The following CDH12 variants were observed in gnomAD, a reference collection of about 807,000 sequenced individuals.
The protein encoded by CDH12 is cadherin 12, also known as cadherin-12.
Under a neutral mutation model 74.1 loss-of-function variants are expected in CDH12, and 41 were observed. The observed-to-expected ratio is 0.55, with a 90% CI of 0.43 to 0.72. The LOEUF (loss-of-function observed/expected upper bound fraction) is 0.72, where lower values mean the gene tolerates loss of function less well. Among genes scored for constraint, CDH12 ranks in the 30% least tolerant of loss-of-function variants. The pLI, the probability that CDH12 is intolerant of heterozygous loss-of-function variation, is 0.00. For synonymous variants in CDH12, 399 were observed against 355.0 expected (o/e 1.12, Z -1.39); for missense variants, 945 against 977.2 (o/e 0.97, Z 0.44).
chr5:22,142,842 T>G (rs1191463394), intron 4 of CDH12: 1 of 256,570 alleles, frequency 3.9e-6, no homozygotes, highest in East Asian at 1.1e-4. Context: ...TTAAACTTTC[T>G]TCTTCCTTCA....
chr5:22,195,847 G>A (rs1194331542), intron 4 of CDH12, among the ~76,000 whole-genome samples: 1 of 152,072 alleles, frequency 6.6e-6, no homozygotes, highest in Non-Finnish European at 1.5e-5. Context: ...AAAGCCTGGT[G>A]TGAAAAACTC....
chr5:22,606,555 C>G (rs998399099), intron 1 of CDH12, among the ~76,000 whole-genome samples: 1 of 152,174 alleles, frequency 6.6e-6, no homozygotes, highest in Non-Finnish European at 1.5e-5. Flanking sequence ...ACTCCACACT[C>G]ATTCTCTCTC....
At chr5:21,898,192 T>C (rs866353089) in intron 6 of CDH12, among the ~76,000 whole-genome samples, 1 of 152,050 alleles carries the variant, frequency 6.6e-6, no homozygotes, top group East Asian at 1.9e-4. Flanking sequence ...TTAGTATACA[T>C]TAAATTTTTT....
At chr5:22,102,756 C>T (rs1466588961) in intron 4 of CDH12, among the ~76,000 whole-genome samples, 2 of 151,982 alleles carry the variant, frequency 1.3e-5, no homozygotes, top group African/African-American at 2.4e-5. Flanking sequence ...AGGGGCCTAA[C>T]AAAAAATGAT....
chr5:22,258,960 CTAT>C (rs1753415982), intron 3 of CDH12, among the ~76,000 whole-genome samples: 1 of 152,264 alleles, frequency 6.6e-6, no homozygotes, highest in South Asian at 2.1e-4. Flanking sequence ...AACATCATTT[CTAT>C]TATTACAGAT....
chr5:22,381,674 T>C (rs1212458651), intron 3 of CDH12, among the ~76,000 whole-genome samples: 1 of 152,142 alleles, frequency 6.6e-6, no homozygotes, highest in Non-Finnish European at 1.5e-5. Context: ...TAATACTCTA[T>C]ATCATGGTTC....
intron 1 of CDH12, among the ~76,000 whole-genome samples, chr5:22,799,813 A>C (rs1748416671): frequency 6.6e-6 from 1 of 152,190 alleles, no homozygotes; most frequent in Non-Finnish European, 1.5e-5. Flanking sequence ...TGATATTTAC[A>C]ACCTACAAAA....
At chr5:22,285,238 A>G (rs1200987420) in intron 3 of CDH12, among the ~76,000 whole-genome samples, 2 of 152,160 alleles carry the variant, frequency 1.3e-5, no homozygotes, top group Non-Finnish European at 2.9e-5. Context: ...ACATTTTAAA[A>G]TAAATTGTTT....
At chr5:22,487,061 G>A (rs1016303699) in intron 2 of CDH12, among the ~76,000 whole-genome samples, 5 of 146,044 alleles carry the variant, frequency 3.4e-5, no homozygotes, top group African/African-American at 7.6e-5. Flanking sequence ...GTGTGTGTGT[G>A]GCATGATCTC....
At chr5:22,158,587 G>T (rs1748160094) in intron 4 of CDH12, among the ~76,000 whole-genome samples, 1 of 152,022 alleles carries the variant, frequency 6.6e-6, no homozygotes, top group Admixed American at 6.6e-5. Flanking sequence ...TATCACGGTG[G>T]TAATTCAGCT....
chr5:22,155,386 C>T (rs1035974040), intron 4 of CDH12, among the ~76,000 whole-genome samples: 4 of 151,808 alleles, frequency 2.6e-5, no homozygotes, highest in Non-Finnish European at 4.4e-5. Flanking sequence ...AGCTAAGAAC[C>T]GTCAATATCT....
At chr5:22,766,809 T>G (rs1746538563) in intron 1 of CDH12, among the ~76,000 whole-genome samples, 1 of 152,222 alleles carries the variant, frequency 6.6e-6, no homozygotes, top group East Asian at 1.9e-4. Flanking sequence ...ATACATAATT[T>G]AGAGATGAGT....
At chr5:22,228,999 A>C (rs1383640688) in intron 3 of CDH12, among the ~76,000 whole-genome samples, 2 of 152,142 alleles carry the variant, frequency 1.3e-5, no homozygotes, top group Non-Finnish European at 2.9e-5. Flanking sequence ...ATAATTGTTC[A>C]AGTGAGTAGA....
In CDH12 at chr5:22,477,385, G is replaced by A. The variant is rs181091621; in HGVS notation, c.-428+27885C>T. ...AGTTTGCTAAAGATAATGGCATCTA[G>A]CTCCATCCATGTTCCTACAAAGGAT... On this transcript the variant is annotated intron_variant, in intron 2 of 14. Coordinates refer to ENST00000382254, the MANE Select transcript of CDH12 (RefSeq NM_004061.5). Among the ~76,000 whole-genome samples, 9 of 152,238 alleles carry A rather than the reference G, an allele frequency of 5.9e-5. No homozygotes were observed. The East Asian group carries it at 1.7e-3, about 29-fold the overall frequency.
chr5:22,268,602 A>G (rs977269043), intron 3 of CDH12, among the ~76,000 whole-genome samples: 23 of 152,198 alleles, frequency 1.5e-4, no homozygotes, highest in Non-Finnish European at 2.1e-4. Flanking sequence ...TTATTATAAG[A>G]TGTTAAGGTT....
intron 2 of CDH12, among the ~76,000 whole-genome samples, chr5:22,426,124 T>C (rs942300298): frequency 1.3e-5 from 2 of 150,966 alleles, no homozygotes; most frequent in Non-Finnish European, 2.9e-5. Context: ...GAGGCAGAGT[T>C]TGCAGTGAGC....
chr5:22,466,425 A>G (rs1745730978), intron 2 of CDH12, among the ~76,000 whole-genome samples: 2 of 152,304 alleles, frequency 1.3e-5, no homozygotes, highest in South Asian at 4.1e-4. Context: ...AAGAGCAAAA[A>G]AGGTGAGTAT....
chr5:22,362,365 T>C (rs1228797673), intron 3 of CDH12, among the ~76,000 whole-genome samples: 1 of 152,006 alleles, frequency 6.6e-6, no homozygotes, highest in Non-Finnish European at 1.5e-5. Flanking sequence ...GAAATGCAAA[T>C]CAAAACCACA....
At chr5:22,755,015 G>A (rs1420352530) in intron 1 of CDH12, among the ~76,000 whole-genome samples, 15 of 152,100 alleles carry the variant, frequency 9.9e-5, no homozygotes, top group Non-Finnish European at 1.9e-4. Flanking sequence ...CTTACAAACA[G>A]TAATTGATGC....
Sources: allele counts gnomAD v4.1 joint callset (sites outside exome capture counted in the v4.1 genomes callset), GRCh38; gene constraint gnomAD v4.1.1; transcripts MANE v1.5; gene names NCBI Gene and HGNC (gene_info 2026-07-23, HGNC 2026-07-21).